Variants in WEE2 observed in about 807,000 individuals in gnomAD.
WEE2 encodes WEE2 oocyte meiosis inhibiting kinase.
Under a neutral mutation model 60.1 loss-of-function variants are expected in WEE2, and 50 were observed. That is an observed-to-expected ratio of 0.83 (90% CI 0.66 to 1.05). The LOEUF (loss-of-function observed/expected upper bound fraction) is 1.05, where lower values mean the gene tolerates loss of function less well. Among genes scored for constraint, WEE2 ranks in the 50% least tolerant of loss-of-function variants. WEE2 has a pLI of 0.00. For missense variants in WEE2, 631 were observed against 684.3 expected (o/e 0.92, Z 0.87); for synonymous variants, 240 against 241.0 (o/e 1.00, Z 0.04).
rs764316650 is a variant in WEE2, at chr7:141,714,388, G to A, written c.522G>A (p.Arg174=). The change falls in exon 2 of 12, where the codon AGG becomes AGA. Residue 174 remains arginine (R), a synonymous_variant. Coordinates refer to ENST00000397541, the MANE Select transcript of WEE2 (RefSeq NM_001105558.1). ...KKLFLQSGGK[R]KIRGDLEEAG... is the part of the protein sequence containing the mutation. The stretch of plus-strand genomic sequence containing the variant: ...TATTTCTTCAATCTGGTGGCAAGAG[G>A]AAAATAAGAGGAGATCTGTAAGTGC... The A allele has an allele frequency of 1.1e-5, 17 of 1,610,674 alleles. No homozygotes were observed. The highest frequency in any genetic ancestry group is 1.4e-5 in the Non-Finnish European group (17 of 1,178,826).
At chr7:141,726,264 AT>A (rs772855101) in intron 9 of WEE2, among the ~76,000 whole-genome samples, 1 of 151,896 alleles carries the variant, frequency 6.6e-6, no homozygotes, top group African/African-American at 2.4e-5. Flanking sequence ...TGGAGATTAG[AT>A]TTTTTTTATT....
intron 2 of WEE2, among the ~76,000 whole-genome samples, chr7:141,715,340 C>T (rs1448915818): frequency 6.6e-6 from 1 of 152,206 alleles, no homozygotes; most frequent in Non-Finnish European, 1.5e-5. Flanking sequence ...GAAATCCTGA[C>T]ACTTTTGTAG....
chr7:141,727,554 C>A, intron 10 of WEE2, 108 bp downstream of exon 10: 1 of 1,370,848 alleles, frequency 7.3e-7, no homozygotes. Flanking sequence ...ATATATTCAC[C>A]ATTATAATAC....
chr7:141,725,482 G>C (rs929157337), intron 9 of WEE2, among the ~76,000 whole-genome samples: 2 of 151,886 alleles, frequency 1.3e-5, no homozygotes, highest in African/African-American at 4.8e-5. Flanking sequence ...AAAATTAGCC[G>C]GGCATGGTGG....
Position 141,711,137 on chromosome 7 carries a change from G to A in WEE2, c.342+2037G>A, listed in dbSNP as rs1487566898. Among the ~76,000 whole-genome samples the A allele has an allele frequency of 1.3e-5, 2 of 152,220 alleles. No homozygotes were observed. The highest frequency in any genetic ancestry group is 3.8e-4 in the East Asian group (2 of 5,202). On this transcript the variant is annotated intron_variant, in intron 1 of 11. Coordinates refer to ENST00000397541, the MANE Select transcript of WEE2 (RefSeq NM_001105558.1). This position sits in a 1 kb window ranked among gnomAD's most constrained non-coding sequence, Gnocchi z 4.2. ...ATAGATGACACTAAGGGATATATGG[G>A]TTTGGAGAAAAGCAGAGATGTGGTA... is the stretch of plus-strand genomic sequence containing the variant.
In WEE2 at chr7:141,726,298, T is replaced by G. The variant is rs192970044; in HGVS notation, c.1393-1006T>G. On this transcript the variant is annotated intron_variant, in intron 9 of 11. Transcript: ENST00000397541. The stretch of plus-strand genomic sequence containing the variant: ...ATTTTTATTTTTATTTTTTATTTTT[T>G]GGGACAGGGTCTCATTCTGTTGCCT... Among the ~76,000 whole-genome samples, 55 of 152,284 alleles carry G rather than the reference T, an allele frequency of 3.6e-4. 1 individual carries two copies. Among genetic ancestry groups the G allele is most frequent in the African/African-American group, 1.3e-3 (53 of 41,560 alleles).
intron 6 of WEE2, 77 bp from the exon 7 acceptor site, chr7:141,723,864 C>T: frequency 1.0e-6 from 1 of 994,572 alleles, no homozygotes; most frequent in Non-Finnish European, 1.5e-6. Flanking sequence ...GCTGAATTGT[C>T]AAATACAGAA....
At chr7:141,718,062 A>G (rs1282507132) in intron 3 of WEE2, among the ~76,000 whole-genome samples, 2 of 152,232 alleles carry the variant, frequency 1.3e-5, no homozygotes, top group Non-Finnish European at 2.9e-5. Context: ...AATCCAGACA[A>G]GAAGGGAACA....
At position 141,725,024 on chromosome 7, in the gene WEE2, A is replaced by G. The variant is rs1218779100; in HGVS notation, c.1222-2A>G. On this transcript the variant is annotated splice_acceptor_variant, in intron 8 of 11. Transcript: ENST00000397541. LOFTEE classifies it high-confidence loss of function. Reference sequence around the variant, plus strand: ...CTGGCCTTCCTGTCTTCTGTTTTGAAGGATTACCGGCACCTTCCCAAAGCA... The same window carrying G: ...CTGGCCTTCCTGTCTTCTGTTTTGAGGGATTACCGGCACCTTCCCAAAGCA... 16 of 1,612,096 alleles carry G rather than the reference A, an allele frequency of 9.9e-6. No individual in the cohort carries two copies. The highest frequency in any genetic ancestry group is 1.4e-5 in the Non-Finnish European group (16 of 1,178,984).
chr7:141,714,179 T>C, intron 1 of WEE2, 30 bp from the exon 2 acceptor site: 1 of 1,565,976 alleles, frequency 6.4e-7, no homozygotes. Flanking sequence ...CTAATGCTAT[T>C]ATGACTTGCC....
chr7:141,719,778 G>A (rs372262445), intron 4 of WEE2, among the ~76,000 whole-genome samples: 12 of 152,020 alleles, frequency 7.9e-5, no homozygotes, highest in African/African-American at 2.9e-4. Context: ...GTTTTGTTTT[G>A]TTTTTTTGTG....
At position 141,708,858 on chromosome 7, in the gene WEE2, A is replaced by G. The variant is rs1192933310; in HGVS notation, c.100A>G (p.Arg34Gly). Reference protein sequence around the residue: ...IEGQKKVEESREASSQTPEKG... With the variant: ...IEGQKKVEESGEASSQTPEKG... ...AGGGCAGAAGAAAGTAGAAGAAAGC[A>G]GGGAGGCTTCGAGCCAAACCCCAGA... The change falls in exon 1 of 12, where the codon AGG (arginine) becomes GGG (glycine). Residue 34 changes from arginine (R) to glycine (G), a missense_variant. Arg to Gly is a moderately radical substitution (Grantham distance 125, BLOSUM62 -2). Transcript: ENST00000397541. 6.2e-7 allele frequency: 1 copy of G among 1,614,098 alleles called. No homozygotes were observed. Among genetic ancestry groups the G allele is most frequent in the East Asian group, 2.2e-5 (1 of 44,902 alleles).
At chr7:141,724,565 T>C (rs564795780) in intron 8 of WEE2, among the ~76,000 whole-genome samples, 8 of 152,336 alleles carry the variant, frequency 5.3e-5, no homozygotes, top group Non-Finnish European at 1.0e-4. Flanking sequence ...AAGGAAGCCT[T>C]TTCCTCAAGC....
At position 141,730,945 on chromosome 7, in the gene WEE2, T is replaced by C. The variant is rs1258327446; in HGVS notation, c.*625T>C. 1 of 152,208 alleles carries C rather than the reference T, an allele frequency of 6.6e-6. No homozygotes were observed. Among genetic ancestry groups the C allele is most frequent in the Non-Finnish European group, 1.5e-5 (1 of 68,040 alleles). 9.4% of individuals were successfully genotyped at this position (152,208 alleles called of 1,614,324 possible). On this transcript the variant is annotated 3_prime_UTR_variant, in exon 12 of 12. Coordinates refer to ENST00000397541, the MANE Select transcript of WEE2 (RefSeq NM_001105558.1). The stretch of plus-strand genomic sequence containing the variant: ...GTCCAAAGCCTAATTACAGGTAAAA[T>C]ATCCTTTGTAAAATGTAACTAACAA...
At chr7:141,713,600 A>G (rs2117104430) in intron 1 of WEE2, among the ~76,000 whole-genome samples, 1 of 152,322 alleles carries the variant, frequency 6.6e-6, no homozygotes, top group Non-Finnish European at 1.5e-5. Flanking sequence ...TTCATGAAGC[A>G]CTTCTCAGTT....
In WEE2 at chr7:141,711,468, CA is replaced by C. The variant is rs1483654051; in HGVS notation, c.342+2371del. 6.6e-6 allele frequency among the ~76,000 whole-genome samples: 1 copy of C among 152,146 alleles called. No homozygotes were observed. The highest frequency in any genetic ancestry group is 2.4e-5 in the African/African-American group (1 of 41,428). On this transcript the variant is annotated intron_variant, in intron 1 of 11. Coordinates refer to ENST00000397541, the MANE Select transcript of WEE2 (RefSeq NM_001105558.1). The surrounding 1 kb of genome is among the most constrained non-coding windows in gnomAD (Gnocchi z 4.2). ...TGGCTGATCATTGTTATGCAGAAGA[CA>C]AAGCTGCATGGGAAAGGAGGATTGG...
At chr7:141,712,515 TATCTC>T (rs1798724503) in intron 1 of WEE2, among the ~76,000 whole-genome samples, 1 of 152,210 alleles carries the variant, frequency 6.6e-6, no homozygotes, top group Non-Finnish European at 1.5e-5. Context: ...TCATATGTCT[TATCTC>T]AAACTATGTT....
intron 11 of WEE2, 70 bp from the exon 12 acceptor site, chr7:141,730,225 C>T: frequency 6.8e-7 from 1 of 1,460,508 alleles, no homozygotes; most frequent in Non-Finnish European, 9.5e-7. Flanking sequence ...AGCCATTTCT[C>T]TTCTCTATTG....
At position 141,712,174 on chromosome 7, in the gene WEE2, T is replaced by C. The variant is rs145692157; in HGVS notation, c.343-2035T>C. Among the ~76,000 whole-genome samples, 763 of 152,298 alleles carry C rather than the reference T, an allele frequency of 5.0e-3. 8 individuals are homozygous for C. Among genetic ancestry groups the C allele is most frequent in the African/African-American group, 0.018 (745 of 41,546 alleles). On this transcript the variant is annotated intron_variant, in intron 1 of 11. Coordinates refer to ENST00000397541, the MANE Select transcript of WEE2 (RefSeq NM_001105558.1). The stretch of plus-strand genomic sequence containing the variant: ...TACCAGGATTCAAGCATCAGGGGAC[T>C]CATCATATTGACTGGGCCTTTAAAA...
Sources: gnomAD v4.1 joint callset for allele counts (sites outside exome capture counted in the v4.1 genomes callset) on GRCh38, gnomAD v4.1.1 for gene constraint, Gnocchi (gnomAD v3.1) non-coding constraint, MANE v1.5 for transcripts, NCBI Gene and HGNC (gene_info 2026-07-23, HGNC 2026-07-21) for gene names.